The following IQGAP1 variants were observed in gnomAD, a reference collection of about 807,000 sequenced individuals.
The protein encoded by IQGAP1 is IQ motif containing GTPase activating protein 1, also known as ras GTPase-activating-like protein IQGAP1.
Under a neutral mutation model 215.6 loss-of-function variants are expected in IQGAP1, and 66 were observed. The ratio of observed to expected loss-of-function variants is 0.31; its 90% CI spans 0.25 to 0.38. The LOEUF is 0.38. Among genes scored for constraint, IQGAP1 ranks in the 10% least tolerant of loss-of-function variants. IQGAP1 has a pLI of 1.00. For synonymous variants in IQGAP1, 772 were observed against 728.7 expected, an observed-to-expected ratio of 1.06 and a Z score of -0.96; for missense variants, 1,712 against 1,997.1, an observed-to-expected ratio of 0.86 and a Z score of 2.72.
chr15:90,424,421 C>T (rs1965191544), intron 2 of IQGAP1, among the ~76,000 whole-genome samples: 1 of 152,170 alleles, frequency 6.6e-6, no homozygotes, highest in Non-Finnish European at 1.5e-5. Context: ...AAAGAAAAGA[C>T]AGCAGAGAAG....
At chr15:90,418,876 G>A (rs902236870) in intron 2 of IQGAP1, among the ~76,000 whole-genome samples, 1 of 152,106 alleles carries the variant, frequency 6.6e-6, no homozygotes, top group Non-Finnish European at 1.5e-5. Context: ...ATACTGGTTC[G>A]TGGCTCACGC....
At chr15:90,460,384 T>C (rs1167763967) in intron 15 of IQGAP1, among the ~76,000 whole-genome samples, 1 of 152,156 alleles carries the variant, frequency 6.6e-6, no homozygotes, top group Admixed American at 6.5e-5. Context: ...CTCCAGCTTT[T>C]CCTTATAAGG....
At chr15:90,496,556 C>G (rs1966277371) in intron 36 of IQGAP1, among the ~76,000 whole-genome samples, 2 of 152,098 alleles carry the variant, frequency 1.3e-5, no homozygotes, top group South Asian at 2.1e-4. Flanking sequence ...GATCTGACCT[C>G]GTGATCCGCC....
In IQGAP1 at chr15:90,491,527, G is replaced by C; in HGVS notation, c.4443G>C (p.Leu1481=). The C allele has an allele frequency of 6.2e-7, 1 of 1,614,032 alleles. No homozygotes were observed. The highest frequency in any genetic ancestry group is 8.5e-7 in the Non-Finnish European group (1 of 1,179,916). ...ACCCAAAGAACAAATACCAGGAACT[G>C]ATCAACGACATTGCCAGGGTACTGC... is the stretch of plus-strand genomic sequence containing the variant. The part of the protein sequence containing the change: ...TVDPKNKYQE[L]INDIARDIRN... The change falls in exon 34 of 38, where the codon CTG becomes CTC. Residue 1481 remains leucine, a synonymous_variant. Transcript: ENST00000268182.
chr15:90,497,013 C>T (rs1462332630), intron 36 of IQGAP1: 1 of 405,684 alleles, frequency 2.5e-6, no homozygotes, highest in African/African-American at 2.1e-5. Flanking sequence ...GTAAGTGCTG[C>T]AGGCAGAGAG....
chr15:90,484,387 T>C, intron 30 of IQGAP1, 35 bp downstream of exon 30: 2 of 1,558,794 alleles, frequency 1.3e-6, no homozygotes. Context: ...AATTTCATTG[T>C]CCTTAATTAT....
intron 5 of IQGAP1, among the ~76,000 whole-genome samples, chr15:90,438,812 C>A (rs1408389785): frequency 2.0e-5 from 3 of 150,324 alleles, no homozygotes; most frequent in Non-Finnish European, 4.4e-5. Context: ...GCAGCCTTTG[C>A]CTCCCAGGTT....
intron 4 of IQGAP1, among the ~76,000 whole-genome samples, chr15:90,432,024 A>G (rs1272881429): frequency 6.6e-6 from 1 of 152,110 alleles, no homozygotes; most frequent in Non-Finnish European, 1.5e-5. Flanking sequence ...CTAGTGATGG[A>G]CATACTTTAA....
chr15:90,388,823 A>G (rs186838837), intron 1 of IQGAP1, among the ~76,000 whole-genome samples: 4 of 152,268 alleles, frequency 2.6e-5, no homozygotes, highest in African/African-American at 9.6e-5. Flanking sequence ...GACCCAAGGG[A>G]TAGACCAGGG....
intron 35 of IQGAP1, among the ~76,000 whole-genome samples, chr15:90,493,361 C>T (rs957733209): frequency 6.6e-6 from 1 of 152,138 alleles, no homozygotes; most frequent in Admixed American, 6.6e-5. Flanking sequence ...CTCTATACTT[C>T]CTGGGGACAA....
intron 2 of IQGAP1, among the ~76,000 whole-genome samples, chr15:90,421,808 A>T (rs1485770123): frequency 1.3e-5 from 2 of 152,028 alleles, no homozygotes; most frequent in East Asian, 3.9e-4. Flanking sequence ...TTGCAGGCAT[A>T]CTCCACCACA....
At chr15:90,494,885 T>C (rs1966251553) in intron 36 of IQGAP1, 50 bp downstream of exon 36, 1 of 1,410,728 alleles carries the variant, frequency 7.1e-7, no homozygotes, top group East Asian at 2.3e-5. Flanking sequence ...TCTACATTTA[T>C]CACATCTTTG....
At chr15:90,433,670 T>C (rs772303116) in intron 4 of IQGAP1, 49 bp from the exon 5 acceptor site, 5 of 1,086,846 alleles carry the variant, frequency 4.6e-6, no homozygotes, top group Non-Finnish European at 7.0e-6. Context: ...GAATGTCAGA[T>C]GAACACAGTG....
At chr15:90,499,112 G>A (rs995252065) in intron 37 of IQGAP1, among the ~76,000 whole-genome samples, 3 of 152,168 alleles carry the variant, frequency 2.0e-5, no homozygotes, top group East Asian at 3.9e-4. Flanking sequence ...CACCACACCC[G>A]GCCTTGTGGG....
chr15:90,449,633 A>G lies in IQGAP1; in HGVS notation c.1152A>G (p.Gln384=). The G allele has an allele frequency of 1.9e-6, 3 of 1,611,356 alleles. No homozygotes were observed. The highest frequency in any genetic ancestry group is 1.7e-6 in the Non-Finnish European group (2 of 1,178,756). ...GVDAANSAAQ[Q]YQRRLAAVAL... is the part of the protein sequence containing the mutation. ...ATGCTGCAAACAGTGCTGCCCAGCA[A>G]TATCAGAGAAGTAAGAGTCCATTGA... Residue 384 remains glutamine, a synonymous_variant, in exon 11 of 38, where the codon CAA becomes CAG. Transcript: ENST00000268182.
At chr15:90,412,876 C>A (rs1964987478) in intron 2 of IQGAP1, among the ~76,000 whole-genome samples, 1 of 152,182 alleles carries the variant, frequency 6.6e-6, no homozygotes, top group Non-Finnish European at 1.5e-5. Context: ...TCAGTTCCGG[C>A]ATTGGTATGT....
At chr15:90,480,197 T>TG (rs1966037357) in intron 26 of IQGAP1, among the ~76,000 whole-genome samples, 1 of 144,632 alleles carries the variant, frequency 6.9e-6, no homozygotes, top group Admixed American at 7.1e-5. Flanking sequence ...GAGCACTGCC[T>TG]GGGCAATGTA....
chr15:90,460,318 C>T (rs1310331807), intron 15 of IQGAP1, among the ~76,000 whole-genome samples: 1 of 152,112 alleles, frequency 6.6e-6, no homozygotes, highest in Non-Finnish European at 1.5e-5. Context: ...CTGTGGCCTC[C>T]TAGATCCCAT....
intron 10 of IQGAP1, among the ~76,000 whole-genome samples, 157 bp from the exon 11 acceptor site, chr15:90,449,402 C>T (rs1459886630): frequency 6.6e-6 from 1 of 152,178 alleles, no homozygotes; most frequent in Non-Finnish European, 1.5e-5. Context: ...GCATTTGGCT[C>T]TACCTGGGGC....
Sources: allele counts gnomAD v4.1 joint callset (sites outside exome capture counted in the v4.1 genomes callset), GRCh38; gene constraint gnomAD v4.1.1; transcripts MANE v1.5; gene names NCBI Gene and HGNC (gene_info 2026-07-23, HGNC 2026-07-21).